The following SETD7 variants were observed in gnomAD, a reference collection of about 807,000 sequenced individuals.
SETD7 encodes the protein histone-lysine N-methyltransferase SETD7.
In SETD7, 16 loss-of-function variants were observed where a neutral mutation model predicts 41.8. The ratio of observed to expected loss-of-function variants is 0.38; its 90% CI spans 0.26 to 0.58. The LOEUF is 0.58. Ranked by LOEUF, SETD7 falls within the 20% of genes least tolerant of loss-of-function variation. SETD7 has a pLI of 0.64. For synonymous variants in SETD7, 163 were observed against 169.7 expected (o/e 0.96, Z 0.31); for missense variants, 346 against 459.7 (o/e 0.75, Z 2.26).
intron 3 of SETD7, among the ~76,000 whole-genome samples, chr4:139,531,386 CT>C (rs1727479099): frequency 6.6e-6 from 1 of 152,096 alleles, no homozygotes; most frequent in Non-Finnish European, 1.5e-5. Flanking sequence ...ATACTCATCT[CT>C]ATGTAGAGAG....
chr4:139,513,979 C>T (rs1316637096), intron 7 of SETD7, among the ~76,000 whole-genome samples: 1 of 152,326 alleles, frequency 6.6e-6, no homozygotes, highest in East Asian at 1.9e-4. Flanking sequence ...CAACTCTTTG[C>T]TTAAATTAAA....
rs576097738 is a variant in SETD7, at chr4:139,508,627, T to G, written c.*3036A>C. On this transcript the variant is annotated 3_prime_UTR_variant, in exon 8 of 8. Coordinates refer to ENST00000274031, the MANE Select transcript of SETD7 (RefSeq NM_030648.4). ...GAGATTACAGTGTCGCACACACACATAGGCTCCCGCTGTTTTTCAGGAGAG... is the reference window on the plus strand; with the variant it reads ...GAGATTACAGTGTCGCACACACACAGAGGCTCCCGCTGTTTTTCAGGAGAG... 1 of 152,314 alleles carries G rather than the reference T, an allele frequency of 6.6e-6. No individual in the cohort carries two copies. Among genetic ancestry groups the G allele is most frequent in the South Asian group, 2.1e-4 (1 of 4,828 alleles). 9.4% of individuals were successfully genotyped at this position (152,314 alleles called of 1,614,324 possible). A position where few individuals can be genotyped will look rare whatever the true frequency, so the allele number is the denominator to read the frequency against.
chr4:139,500,866 G>A (rs1258113420), intron 7 of SETD7, among the ~76,000 whole-genome samples: 3 of 152,066 alleles, frequency 2.0e-5, no homozygotes, highest in South Asian at 4.2e-4. Context: ...AGTTTTCGGG[G>A]CCCCTGTAGA....
At chr4:139,519,242 G>A (rs966426254) in intron 6 of SETD7, among the ~76,000 whole-genome samples, 1 of 152,214 alleles carries the variant, frequency 6.6e-6, no homozygotes, top group African/African-American at 2.4e-5. Flanking sequence ...GGCAAGAAGG[G>A]TGTCACATTC....
intron 1 of SETD7, 71 bp downstream of exon 1, chr4:139,556,027 G>C: frequency 1.4e-6 from 2 of 1,459,238 alleles, no homozygotes; most frequent in Non-Finnish European, 1.8e-6. Flanking sequence ...CGCGCTGTTC[G>C]CAGCCCGCCA....
chr4:139,533,114 A>C, intron 3 of SETD7, 51 bp downstream of exon 3: 3 of 1,485,218 alleles, frequency 2.0e-6, no homozygotes, highest in Non-Finnish European at 2.8e-6. Flanking sequence ...CTTCATTGTG[A>C]AGAGTCACAG....
At chr4:139,493,509 TC>T (rs1726394067), downstream of SETD7, among the ~76,000 whole-genome samples, 1 of 151,860 alleles carries the variant, frequency 6.6e-6, no homozygotes, top group African/African-American at 2.4e-5. Flanking sequence ...TTGAAGTGTT[TC>T]AGCAGGGTGA....
downstream of SETD7, among the ~76,000 whole-genome samples, chr4:139,493,513 C>T (rs994111646): frequency 9.3e-5 from 14 of 150,154 alleles, no homozygotes; most frequent in African/African-American, 3.4e-4. Flanking sequence ...AGTGTTTCAG[C>T]AGGGTGATGG....
downstream of SETD7, among the ~76,000 whole-genome samples, chr4:139,501,916 C>T (rs575925614): frequency 6.6e-6 from 1 of 152,338 alleles, no homozygotes; most frequent in East Asian, 1.9e-4. Flanking sequence ...AGGAGGCAAG[C>T]TGTGGCTATG....
intron 4 of SETD7, among the ~76,000 whole-genome samples, chr4:139,526,542 C>A (rs1727335613): frequency 6.6e-6 from 1 of 151,800 alleles, no homozygotes; most frequent in Non-Finnish European, 1.5e-5. Flanking sequence ...GCTTAGCCTC[C>A]CAAAGTGCTA....
intron 7 of SETD7, among the ~76,000 whole-genome samples, chr4:139,498,806 C>T (rs1189154975): frequency 6.6e-6 from 1 of 152,240 alleles, no homozygotes; most frequent in Admixed American, 6.5e-5. Flanking sequence ...AACTTTCCCT[C>T]TGCCTTTCTG....
chr4:139,515,714 G>T (rs1431306209), intron 7 of SETD7, among the ~76,000 whole-genome samples: 1 of 152,218 alleles, frequency 6.6e-6, no homozygotes, highest in Non-Finnish European at 1.5e-5. Flanking sequence ...GGGCTGCCAA[G>T]GAGAGCAAGT....
downstream of SETD7, among the ~76,000 whole-genome samples, chr4:139,494,335 C>T (rs1296880612): frequency 1.3e-5 from 2 of 152,194 alleles, no homozygotes; most frequent in African/African-American, 4.8e-5. Flanking sequence ...TGATCCTGGT[C>T]ACACATGTCC....
rs1384386208 is a variant in SETD7, at chr4:139,510,408, CA to C, written c.*1254del. 1 of 152,186 alleles carries C rather than the reference CA, an allele frequency of 6.6e-6. No homozygotes were observed. The highest frequency in any genetic ancestry group is 1.5e-5 in the Non-Finnish European group (1 of 68,026). 9.4% of individuals were successfully genotyped at this position (152,186 alleles called of 1,614,324 possible). On this transcript the variant is annotated 3_prime_UTR_variant, in exon 8 of 8. Transcript: ENST00000274031. ...GATCTAATTAGCTAAACTAAAAAAA[CA>C]GGGGTTTTCTCCTTATTTCTGCAGT...
intron 7 of SETD7, among the ~76,000 whole-genome samples, chr4:139,499,348 A>T (rs1726525211): frequency 6.6e-6 from 1 of 152,228 alleles, no homozygotes; most frequent in Non-Finnish European, 1.5e-5. Context: ...AACTTTGCTA[A>T]AGCATAGGCT....
intron 1 of SETD7, among the ~76,000 whole-genome samples, chr4:139,552,004 T>C (rs1451745691): frequency 6.6e-6 from 1 of 152,216 alleles, no homozygotes; most frequent in Non-Finnish European, 1.5e-5. Context: ...TTTTAATTTT[T>C]TAGGTTTTTA....
At chr4:139,522,556 G>T (rs1485474487) in intron 5 of SETD7, among the ~76,000 whole-genome samples, 1 of 152,078 alleles carries the variant, frequency 6.6e-6, no homozygotes, top group Non-Finnish European at 1.5e-5. Context: ...TGTGAAAAAA[G>T]AAATTGTCTT....
chr4:139,552,872 T>C (rs998609664), intron 1 of SETD7, among the ~76,000 whole-genome samples: 1 of 152,224 alleles, frequency 6.6e-6, no homozygotes. Context: ...TGAAATCATA[T>C]TAGAGACCAC....
chr4:139,524,629 C>T (rs1727272444), intron 4 of SETD7, among the ~76,000 whole-genome samples: 1 of 152,290 alleles, frequency 6.6e-6, no homozygotes, highest in Middle Eastern at 3.4e-3. Flanking sequence ...CCCAGCCAGC[C>T]AGTGGCCTCC....
Sources: gnomAD v4.1 joint callset for allele counts (sites outside exome capture counted in the v4.1 genomes callset) on GRCh38, gnomAD v4.1.1 for gene constraint, MANE v1.5 for transcripts, NCBI Gene and HGNC (gene_info 2026-07-23, HGNC 2026-07-21) for gene names.